PALD1: variants seen among roughly 807,000 people sequenced by gnomAD.
PALD1 encodes the protein phosphatase domain containing paladin 1.
Under a neutral mutation model 96.0 loss-of-function variants are expected in PALD1, and 57 were observed. The observed-to-expected ratio is 0.59, with a 90% CI of 0.48 to 0.74. The LOEUF (loss-of-function observed/expected upper bound fraction) is 0.74, where lower values mean the gene tolerates loss of function less well. Ranked by LOEUF, PALD1 falls within the 30% of genes least tolerant of loss-of-function variation. The pLI is 0.00. For synonymous variants in PALD1, 464 were observed against 473.6 expected, an observed-to-expected ratio of 0.98 and a Z score of 0.26; for missense variants, 1,063 against 1,143.7, an observed-to-expected ratio of 0.93 and a Z score of 1.02.
chr10:70,517,891 T>C (rs1034699202), intron 1 of PALD1, among the ~76,000 whole-genome samples: 3 of 152,012 alleles, frequency 2.0e-5, no homozygotes, highest in Admixed American at 1.3e-4. Context: ...CTGCTCCTTT[T>C]TGGGGTTGTT....
chr10:70,532,498 A>T, intron 5 of PALD1, 123 bp from the exon 6 acceptor site: 3 of 946,582 alleles, frequency 3.2e-6, no homozygotes, highest in Non-Finnish European at 4.8e-6. Context: ...TAGTTCCCTC[A>T]TGGGGGGCAG....
At position 70,501,839 on chromosome 10, in the gene PALD1, G is replaced by GTGTGTGTGTGCGCA. The variant is rs1554854872; in HGVS notation, c.-30+22780_-30+22781insTGTGTGTGTGCGCA. Among the ~76,000 whole-genome samples the GTGTGTGTGTGCGCA allele has an allele frequency of 4.0e-5, 6 of 151,418 alleles. No individual in the cohort carries two copies. In the East Asian group the frequency reaches 5.8e-4, roughly 15 times the overall value. Reference sequence around the variant, plus strand: ...TGTGTGTGTGTGTGTGTGTGTGCGTGCGTGCATGCATACCTGTGTTCATGC... The same window carrying GTGTGTGTGTGCGCA: ...TGTGTGTGTGTGTGTGTGTGTGCGTGTGTGTGTGTGCGCACGTGCATGCATACCTGTGTTCATGC... On this transcript the variant is annotated intron_variant, in intron 1 of 19. Transcript: ENST00000263563.
chr10:70,480,495 G>A (rs1378994088), intron 1 of PALD1, among the ~76,000 whole-genome samples: 1 of 152,194 alleles, frequency 6.6e-6, no homozygotes, highest in African/African-American at 2.4e-5. Flanking sequence ...AGTGTTGGGG[G>A]TGGGCACAGT....
chr10:70,468,900 G>A, the PALD1 span, among the ~76,000 whole-genome samples: 1 of 152,142 alleles, frequency 6.6e-6, no homozygotes, highest in African/African-American at 2.4e-5. Context: ...CTGAGACTAG[G>A]GGCACACAGC....
intron 1 of PALD1, among the ~76,000 whole-genome samples, chr10:70,512,705 A>G (rs1027437598): frequency 6.6e-6 from 1 of 152,260 alleles, no homozygotes; most frequent in Non-Finnish European, 1.5e-5. Context: ...CACGGTAAGC[A>G]GTGGAAGGCC....
rs1847878505 is a variant in PALD1, at chr10:70,567,500, G to GC, written c.*768dup. 1.3e-5 allele frequency: 2 copies of GC among 152,830 alleles called. No individual in the cohort carries two copies. The allele number at this position is 152,830 out of a possible 1,614,324, so 9.5% of individuals were successfully genotyped here. A position where few individuals can be genotyped will look rare whatever the true frequency, so the allele number is the denominator to read the frequency against. On this transcript the variant is annotated 3_prime_UTR_variant, in exon 20 of 20. Coordinates refer to ENST00000263563, the MANE Select transcript of PALD1 (RefSeq NM_014431.3). ...CTGCTCCACTTGTCTGGGAACCTGG[G>GC]CAGGAGGCACAGAGGAAGCCAAGGC...
chr10:70,511,754 C>T (rs999385769), intron 1 of PALD1, among the ~76,000 whole-genome samples: 6 of 152,016 alleles, frequency 3.9e-5, no homozygotes, highest in Non-Finnish European at 5.9e-5. Flanking sequence ...GAGGGCGGGG[C>T]GTGGTGGCTC....
intron 1 of PALD1, among the ~76,000 whole-genome samples, chr10:70,493,124 T>C (rs1846127117): frequency 6.6e-6 from 1 of 152,214 alleles, no homozygotes; most frequent in Non-Finnish European, 1.5e-5. Flanking sequence ...CTGCCGCTGC[T>C]GCTTCCTTTT....
upstream of PALD1, among the ~76,000 whole-genome samples, chr10:70,478,374 G>A (rs1054432186): frequency 2.6e-5 from 4 of 152,310 alleles, 1 homozygote; most frequent in Admixed American, 2.0e-4. Flanking sequence ...TAAAGCAGAG[G>A]GGGGCGAGGG....
chr10:70,558,538 C>A (rs562323310), intron 18 of PALD1, among the ~76,000 whole-genome samples: 1 of 152,108 alleles, frequency 6.6e-6, no homozygotes, highest in South Asian at 2.1e-4. Flanking sequence ...ACTCTAGTGA[C>A]GGAGATCTGC....
chr10:70,480,682 C>G (rs920644153), intron 1 of PALD1, among the ~76,000 whole-genome samples: 1 of 152,210 alleles, frequency 6.6e-6, no homozygotes, highest in African/African-American at 2.4e-5. Context: ...GGGTGCAGTT[C>G]TGGGAGTGGG....
At chr10:70,471,187 G>A in the PALD1 span, among the ~76,000 whole-genome samples, 2 of 152,192 alleles carry the variant, frequency 1.3e-5, no homozygotes, top group Non-Finnish European at 2.9e-5. Flanking sequence ...TTGAACTCCT[G>A]ACCTCAGGTG....
intron 17 of PALD1, 148 bp from the exon 18 acceptor site, chr10:70,547,158 G>C: frequency 1.4e-6 from 1 of 712,294 alleles, no homozygotes; most frequent in South Asian, 1.7e-5. Context: ...TCCTCCCTCA[G>C]TCTGAGAACT....
Position 70,530,030 on chromosome 10 carries a change from A to G in PALD1, c.430A>G (p.Arg144Gly). 1.3e-6 allele frequency: 2 copies of G among 1,555,904 alleles called. No homozygotes were observed. The highest frequency in any genetic ancestry group is 1.7e-6 in the Non-Finnish European group (2 of 1,152,700). ...GMGQPSLSGF[R>G]RVLQKLQKDG... ...GGGACAGCCCAGCCTCTCAGGGTTCAGGCGGGTCCTCCAGAAACTCCAGAA... is the reference window on the plus strand; with the variant it reads ...GGGACAGCCCAGCCTCTCAGGGTTCGGGCGGGTCCTCCAGAAACTCCAGAA... Residue 144 changes from arginine to glycine, a missense_variant, in exon 4 of 20, where the codon AGG becomes GGG. Coordinates refer to ENST00000263563, the MANE Select transcript of PALD1 (RefSeq NM_014431.3).
intron 1 of PALD1, among the ~76,000 whole-genome samples, chr10:70,483,650 G>C (rs112006615): frequency 6.6e-6 from 1 of 152,228 alleles, no homozygotes; most frequent in African/African-American, 2.4e-5. Context: ...CTTCCTCTCT[G>C]TGGGCTGTGC....
chr10:70,522,537 G>A (rs1026724200), intron 1 of PALD1, among the ~76,000 whole-genome samples: 10 of 152,216 alleles, frequency 6.6e-5, no homozygotes, highest in Non-Finnish European at 1.2e-4. Context: ...GCAATGTGGC[G>A]TGAAAATGGC....
At chr10:70,528,065 A>G (rs1309860512) in intron 2 of PALD1, among the ~76,000 whole-genome samples, 2 of 152,186 alleles carry the variant, frequency 1.3e-5, no homozygotes, top group Non-Finnish European at 2.9e-5. Context: ...TTTGCTGAGA[A>G]TGATGGTTTC....
At position 70,566,779 on chromosome 10, in the gene PALD1, C is replaced by T. The variant is rs1418573152; in HGVS notation, c.*46C>T. On this transcript the variant is annotated 3_prime_UTR_variant, in exon 20 of 20. Transcript: ENST00000263563. ...CCCACCCACAGGGCCCCACGCAGGC[C>T]TGGGGTGTCTGAGGTGCTCTTGGCT... The T allele has an allele frequency of 8.0e-6, 11 of 1,380,154 alleles. No individual in the cohort carries two copies. Among genetic ancestry groups the T allele is most frequent in the Non-Finnish European group, 1.1e-5 (11 of 1,012,518 alleles). 85.5% of individuals were successfully genotyped at this position (1,380,154 alleles called of 1,614,324 possible).
chr10:70,476,880 G>A (rs1305986417), upstream of PALD1, among the ~76,000 whole-genome samples: 1 of 124,642 alleles, frequency 8.0e-6, no homozygotes. Context: ...GTGAGGGGAA[G>A]CAAAGTGTGT....
Sources: allele counts gnomAD v4.1 joint callset (sites outside exome capture counted in the v4.1 genomes callset), GRCh38; gene constraint gnomAD v4.1.1; transcripts MANE v1.5; gene names NCBI Gene and HGNC (gene_info 2026-07-23, HGNC 2026-07-21).